The following DOCK1 variants were observed in gnomAD, a reference collection of about 807,000 sequenced individuals.
DOCK1 encodes dedicator of cytokinesis protein 1.
DOCK1 carries 138 observed loss-of-function variants against 262.7 expected under a neutral mutation model. That is an observed-to-expected ratio of 0.53 (90% CI 0.46 to 0.61). DOCK1 has a LOEUF of 0.61. Among genes scored for constraint, DOCK1 ranks in the 20% least tolerant of loss-of-function variants. The probability of loss-of-function intolerance (pLI) is 0.00; values close to 1 mark genes in which losing one functional copy is unlikely to be tolerated. For synonymous variants in DOCK1, 866 were observed against 867.4 expected, an observed-to-expected ratio of 1.00 and a Z score of 0.03; for missense variants, 1,908 against 2,370.7, an observed-to-expected ratio of 0.80 and a Z score of 4.05.
Position 127,362,837 on chromosome 10 carries a change from A to ACACATGCACCTCCCCCCC in DOCK1, c.3432+629_3432+630insTGCACCTCCCCCCCCACA. Among the ~76,000 whole-genome samples the ACACATGCACCTCCCCCCC allele has an allele frequency of 2.3e-4, 2 of 8,568 alleles. 1 individual carries two copies. Among genetic ancestry groups the ACACATGCACCTCCCCCCC allele is most frequent in the Non-Finnish European group, 4.4e-4 (2 of 4,542 alleles). The allele number at this position is 8,568 out of a possible 152,430, so 5.6% of individuals were successfully genotyped here. On this transcript the variant is annotated intron_variant, in intron 33 of 51. Coordinates refer to ENST00000623213, the MANE Select transcript of DOCK1 (RefSeq NM_001290223.2). ...TGGGTTGGCACCCACACCCACACAT[A>ACACATGCACCTCCCCCCC]CACACACACACACACATGTACATCC...
chr10:126,965,236 T>C (rs2037574916), intron 1 of DOCK1, among the ~76,000 whole-genome samples: 1 of 152,058 alleles, frequency 6.6e-6, no homozygotes, highest in Non-Finnish European at 1.5e-5. Context: ...GGCTGTGGAA[T>C]TAAAGGCAGG....
chr10:127,066,720 C>T (rs2045900283), intron 23 of DOCK1, among the ~76,000 whole-genome samples: 2 of 152,214 alleles, frequency 1.3e-5, no homozygotes, highest in Non-Finnish European at 2.9e-5. Flanking sequence ...GGAGCTGATA[C>T]TTATTGATCG....
intron 1 of DOCK1, among the ~76,000 whole-genome samples, chr10:126,960,307 T>C (rs1030136439): frequency 1.3e-4 from 20 of 151,654 alleles, no homozygotes; most frequent in African/African-American, 4.1e-4. Context: ...ACCAGCCATG[T>C]GGTATTGTAG....
chr10:127,325,743 T>G (rs1240153720), intron 29 of DOCK1, among the ~76,000 whole-genome samples: 1 of 152,202 alleles, frequency 6.6e-6, no homozygotes, highest in East Asian at 1.9e-4. Context: ...GCAGCAGATT[T>G]TAACTACAAA....
At chr10:127,439,495 G>C (rs1047833973) in intron 49 of DOCK1, among the ~76,000 whole-genome samples, 9 of 152,188 alleles carry the variant, frequency 5.9e-5, no homozygotes, top group African/African-American at 2.2e-4. Context: ...AGGCTCTGCC[G>C]CTCTGTTGGA....
At chr10:127,092,665 A>G (rs917804381) in intron 23 of DOCK1, among the ~76,000 whole-genome samples, 1 of 151,932 alleles carries the variant, frequency 6.6e-6, no homozygotes, top group Non-Finnish European at 1.5e-5. Context: ...TGTATTTTTA[A>G]TAGAGACAGG....
intron 2 of DOCK1, among the ~76,000 whole-genome samples, chr10:126,971,915 A>AT (rs909105977): frequency 4.7e-5 from 7 of 150,144 alleles, no homozygotes; most frequent in Admixed American, 6.7e-5. Context: ...ATGAAGCAAT[A>AT]TTTTTTTTTG....
chr10:127,205,103 T>C (rs1353559822), intron 27 of DOCK1, among the ~76,000 whole-genome samples: 1 of 152,040 alleles, frequency 6.6e-6, no homozygotes, highest in East Asian at 1.9e-4. Context: ...ATTTTAAAGG[T>C]ACTGATTTTT....
chr10:127,262,852 C>G (rs2060223423), intron 29 of DOCK1, among the ~76,000 whole-genome samples: 1 of 152,138 alleles, frequency 6.6e-6, no homozygotes, highest in Non-Finnish European at 1.5e-5. Context: ...CTCAGCAGCC[C>G]TCTGGGACAG....
chr10:127,429,818 AGCGCCAC>A lies in DOCK1; in HGVS notation c.4915-3463_4915-3457del, dbSNP rs1343825791. ...GGCCCCCGTGCCCTCACCGGCCCACAGCGCCACGTTCGGCATTGGCCCCCGTGCCCTC... is the reference window on the plus strand; with the variant it reads ...GGCCCCCGTGCCCTCACCGGCCCACAGTTCGGCATTGGCCCCCGTGCCCTC... On this transcript the variant is annotated intron_variant, in intron 47 of 51. Coordinates refer to ENST00000623213, the MANE Select transcript of DOCK1 (RefSeq NM_001290223.2). Among the ~76,000 whole-genome samples the A allele has an allele frequency of 1.9e-4, 28 of 149,682 alleles. 1 individual carries two copies. The highest frequency in any genetic ancestry group is 7.1e-4 in the African/African-American group (28 of 39,566).
chr10:127,281,341 A>G (rs1217145343), intron 29 of DOCK1, among the ~76,000 whole-genome samples: 1 of 152,194 alleles, frequency 6.6e-6, no homozygotes, highest in Non-Finnish European at 1.5e-5. Flanking sequence ...TGTTGAGAAA[A>G]TGATACAGAG....
chr10:127,225,745 A>G (rs995596492), intron 27 of DOCK1, among the ~76,000 whole-genome samples: 2 of 152,342 alleles, frequency 1.3e-5, no homozygotes, highest in African/African-American at 4.8e-5. Context: ...TATGTACAAC[A>G]GTGGAAAAGT....
chr10:127,322,187 CTTT>C (rs201505491), intron 29 of DOCK1, among the ~76,000 whole-genome samples: 155 of 146,118 alleles, frequency 1.1e-3, no homozygotes, highest in African/African-American at 2.4e-3. Flanking sequence ...TATAATTTCC[CTTT>C]TTTTTTTTTT....
At chr10:127,335,312 A>T (rs1009576229) in intron 29 of DOCK1, among the ~76,000 whole-genome samples, 5 of 151,988 alleles carry the variant, frequency 3.3e-5, no homozygotes, top group African/African-American at 1.2e-4. Flanking sequence ...GCGCATTCAT[A>T]CCCCACACGC....
rs758088197 is a variant in DOCK1, at chr10:127,247,969, C to G, written c.2848-39C>G. The G allele has an allele frequency of 1.9e-6, 3 of 1,593,698 alleles. No homozygotes were observed. In the East Asian group the frequency reaches 6.7e-5, roughly 36 times the overall value. On this transcript the variant is annotated intron_variant, in intron 27 of 51. Coordinates refer to ENST00000623213, the MANE Select transcript of DOCK1 (RefSeq NM_001290223.2). ...ATTTCGGCTTTTCCCATGAGTGTTG[C>G]TCTGTCTCATCTAATTCTATCTTTT...
Position 127,431,733 on chromosome 10 carries a change from C to G in DOCK1, c.4915-1550C>G, listed in dbSNP as rs536829832. 1.8e-4 allele frequency among the ~76,000 whole-genome samples: 28 copies of G among 152,304 alleles called. No individual in the cohort carries two copies. The East Asian group carries it at 5.4e-3, about 29-fold the overall frequency. On this transcript the variant is annotated intron_variant, in intron 47 of 51. Coordinates refer to ENST00000623213, the MANE Select transcript of DOCK1 (RefSeq NM_001290223.2). ...TGTTGACAGGCAGGCCATGCTCATTCATTTCTGTATTATCTGTGGCTGCTT... is the reference window on the plus strand; with the variant it reads ...TGTTGACAGGCAGGCCATGCTCATTGATTTCTGTATTATCTGTGGCTGCTT...
intron 25 of DOCK1, among the ~76,000 whole-genome samples, chr10:127,115,871 T>C (rs1233495134): frequency 2.0e-5 from 3 of 152,222 alleles, no homozygotes; most frequent in Admixed American, 1.3e-4. Flanking sequence ...GGGTCACTTA[T>C]TTGCTTTGCA....
Position 126,948,991 on chromosome 10 carries a change from G to T in DOCK1, c.47-21711G>T, listed in dbSNP as rs936525668. Among the ~76,000 whole-genome samples the T allele has an allele frequency of 2.3e-4, 35 of 152,182 alleles. 1 individual carries two copies. The highest frequency in any genetic ancestry group is 4.3e-4 in the Non-Finnish European group (29 of 68,006). On this transcript the variant is annotated intron_variant, in intron 1 of 51. Coordinates refer to ENST00000623213, the MANE Select transcript of DOCK1 (RefSeq NM_001290223.2). The stretch of plus-strand genomic sequence containing the variant: ...TTCAGTGGCCCGGGCCCACCCCCTG[G>T]ACCCTGTTCCCTTTGTAACTGAGCT...
rs189091989 is a variant in DOCK1, at chr10:126,996,105, G to T, written c.474-643G>T. The stretch of plus-strand genomic sequence containing the variant: ...ACATATGTAGTATGCCTTAGGTGGG[G>T]TGCAGTGGCTCACGCCTGTAATCCC... On this transcript the variant is annotated intron_variant, in intron 6 of 51. Coordinates refer to ENST00000623213, the MANE Select transcript of DOCK1 (RefSeq NM_001290223.2). Among the ~76,000 whole-genome samples, 102 of 152,202 alleles carry T rather than the reference G, an allele frequency of 6.7e-4. 1 individual carries two copies. Among genetic ancestry groups the T allele is most frequent in the African/African-American group, 2.4e-3 (99 of 41,540 alleles).
Sources: allele counts gnomAD v4.1 joint callset (sites outside exome capture counted in the v4.1 genomes callset), GRCh38; gene constraint gnomAD v4.1.1; transcripts MANE v1.5; gene names NCBI Gene and HGNC (gene_info 2026-07-23, HGNC 2026-07-21).